Variants in SPOCK3 observed in about 807,000 individuals in gnomAD.
SPOCK3 encodes the protein SPARC (osteonectin), cwcv and kazal like domains proteoglycan 3, also known as testican-3.
Under a neutral mutation model 56.6 loss-of-function variants are expected in SPOCK3, and 30 were observed. The observed-to-expected ratio is 0.53, with a 90% CI of 0.40 to 0.72. SPOCK3 has a LOEUF of 0.72. Among genes scored for constraint, SPOCK3 ranks in the 30% least tolerant of loss-of-function variants. The pLI, the probability that SPOCK3 is intolerant of heterozygous loss-of-function variation, is 0.00. For synonymous variants in SPOCK3, 196 were observed against 183.3 expected, an observed-to-expected ratio of 1.07 and a Z score of -0.56; for missense variants, 527 against 530.0, an observed-to-expected ratio of 0.99 and a Z score of 0.06.
chr4:166,970,725 A>G (rs1274977775), intron 4 of SPOCK3, among the ~76,000 whole-genome samples: 1 of 125,844 alleles, frequency 7.9e-6, no homozygotes, highest in Non-Finnish European at 1.6e-5. Context: ...ACACCGTCAA[A>G]AAAGAAAAAG....
intron 8 of SPOCK3, 121 bp from the exon 9 acceptor site, chr4:166,742,180 A>G: frequency 1.5e-6 from 1 of 668,568 alleles, no homozygotes; most frequent in Non-Finnish European, 2.6e-6. Context: ...TTACATATTA[A>G]TTGGTTTACT....
chr4:167,091,629 C>A (rs1473016305), intron 2 of SPOCK3, among the ~76,000 whole-genome samples: 1 of 152,096 alleles, frequency 6.6e-6, no homozygotes, highest in Non-Finnish European at 1.5e-5. Flanking sequence ...TTTTACATGT[C>A]ATATGCAGTG....
chr4:166,789,479 A>G (rs896573117), intron 7 of SPOCK3, among the ~76,000 whole-genome samples: 55 of 152,018 alleles, frequency 3.6e-4, no homozygotes, highest in African/African-American at 1.2e-3. Context: ...ACACCCCAAC[A>G]TTTGCTCACT....
intron 3 of SPOCK3, among the ~76,000 whole-genome samples, chr4:167,000,690 C>A (rs767609484): frequency 5.3e-5 from 8 of 152,152 alleles, no homozygotes; most frequent in Non-Finnish European, 1.0e-4. Context: ...TGCACATATG[C>A]CTATGATCAG....
intron 2 of SPOCK3, among the ~76,000 whole-genome samples, chr4:167,146,699 A>C (rs1093054): frequency 1 from 152,084 of 152,198 alleles, 75,985 homozygotes; most frequent in Middle Eastern, 1. Flanking sequence ...AACAACCTGC[A>C]CCTGAATGAC....
intron 4 of SPOCK3, among the ~76,000 whole-genome samples, chr4:166,952,972 A>C (rs1264449259): frequency 6.6e-6 from 1 of 151,240 alleles, no homozygotes; most frequent in Non-Finnish European, 1.5e-5. Flanking sequence ...ACCTAAAACC[A>C]TAAAAACCCT....
At chr4:166,939,379 G>T (rs1318658238) in intron 4 of SPOCK3, among the ~76,000 whole-genome samples, 1 of 151,926 alleles carries the variant, frequency 6.6e-6, no homozygotes, top group Non-Finnish European at 1.5e-5. Flanking sequence ...GGATAAAAGA[G>T]TTCAGCATAA....
intron 2 of SPOCK3, among the ~76,000 whole-genome samples, chr4:167,120,073 G>A (rs999651957): frequency 6.6e-6 from 1 of 151,958 alleles, no homozygotes; most frequent in African/African-American, 2.4e-5. Context: ...CATAAACAAT[G>A]TACACATACA....
intron 2 of SPOCK3, among the ~76,000 whole-genome samples, chr4:167,087,318 T>A (rs764232698): frequency 6.6e-6 from 1 of 152,222 alleles, no homozygotes; most frequent in East Asian, 1.9e-4. Flanking sequence ...AGGCAGAGAA[T>A]CCTCAGTTTC....
rs948506235 is a variant in SPOCK3 at position 167,037,042 on chromosome 4, G to T, written c.235+25450C>A. 5.3e-5 allele frequency among the ~76,000 whole-genome samples: 8 copies of T among 152,080 alleles called. 1 individual carries two copies. The highest frequency in any genetic ancestry group is 1.9e-4 in the African/African-American group (8 of 41,418). ...TTGAAGATTTACACTTTTAAATTGT[G>T]CATTTTTTTACAAAAGAGATTGTAG... On this transcript the variant is annotated intron_variant, in intron 3 of 10. Coordinates refer to ENST00000357545, the MANE Select transcript of SPOCK3 (RefSeq NM_001040159.2).
intron 5 of SPOCK3, among the ~76,000 whole-genome samples, chr4:166,894,177 G>A (rs900200429): frequency 6.6e-6 from 1 of 152,042 alleles, no homozygotes; most frequent in Non-Finnish European, 1.5e-5. Flanking sequence ...CTTCATTGGA[G>A]GAGCATTTCC....
chr4:166,735,093 TA>T lies in SPOCK3; in HGVS notation c.1133-4del. 1 of 1,583,166 alleles carries T rather than the reference TA, an allele frequency of 6.3e-7. No homozygotes were observed. The highest frequency in any genetic ancestry group is 8.6e-7 in the Non-Finnish European group (1 of 1,161,700). Reference sequence around the variant, plus strand: ...TCCGGAGATCTCAAAATCTATAGCTTAAAACAAGTGAAAGTAAACATAACCT... The same window carrying T: ...TCCGGAGATCTCAAAATCTATAGCTTAAACAAGTGAAAGTAAACATAACCT... On this transcript the variant is annotated splice_region_variant and splice_polypyrimidine_tract_variant and intron_variant, in intron 10 of 10. Coordinates refer to ENST00000357545, the MANE Select transcript of SPOCK3 (RefSeq NM_001040159.2).
Position 166,734,952 on chromosome 4 carries a change from T to A in SPOCK3, c.1271A>T (p.Asp424Val). The change falls in exon 11 of 11, where the codon GAT becomes GTT. Residue 424 changes from aspartate to valine, a missense_variant. By Grantham distance (152) the Asp-to-Val change is radical. Coordinates refer to ENST00000357545, the MANE Select transcript of SPOCK3 (RefSeq NM_001040159.2). ...DDDEDEGDDD[D>V]GGDDHDVYI ...GTATACATCATGGTCATCACCACCA[T>A]CATCATCATCCCCTTCATCTTCATC... is the stretch of plus-strand genomic sequence containing the variant. 2 of 1,520,386 alleles carry A rather than the reference T, an allele frequency of 1.3e-6. No individual in the cohort carries two copies. 94.2% of individuals were successfully genotyped at this position (1,520,386 alleles called of 1,614,324 possible). A position where few individuals can be genotyped will look rare whatever the true frequency, so the allele number is the denominator to read the frequency against.
intron 2 of SPOCK3, among the ~76,000 whole-genome samples, chr4:167,104,186 C>G (rs1472184620): frequency 6.6e-6 from 1 of 152,112 alleles, no homozygotes; most frequent in Non-Finnish European, 1.5e-5. Context: ...CAACAAACGT[C>G]AACAGCCATC....
At chr4:166,968,060 A>G (rs752477845) in intron 4 of SPOCK3, among the ~76,000 whole-genome samples, 4 of 152,192 alleles carry the variant, frequency 2.6e-5, no homozygotes, top group Non-Finnish European at 5.9e-5. Context: ...TGAATTTGAG[A>G]AAGATGATTT....
intron 4 of SPOCK3, among the ~76,000 whole-genome samples, chr4:166,920,285 A>C (rs1310359851): frequency 1.3e-5 from 2 of 152,154 alleles, no homozygotes; most frequent in Non-Finnish European, 2.9e-5. Context: ...TAGAATCTTC[A>C]CCACCACCAA....
intron 2 of SPOCK3, among the ~76,000 whole-genome samples, chr4:167,086,630 C>T (rs941289955): frequency 4.6e-5 from 7 of 152,054 alleles, no homozygotes; most frequent in Non-Finnish European, 1.0e-4. Flanking sequence ...TTGCTACAAT[C>T]AACACTTTTA....
chr4:167,127,510 C>T (rs868623747), intron 2 of SPOCK3, among the ~76,000 whole-genome samples: 1 of 151,996 alleles, frequency 6.6e-6, no homozygotes, highest in African/African-American at 2.4e-5. Context: ...TCACTGCAAC[C>T]TCTGGTTCCC....
At chr4:167,174,940 TC>T (rs1220641804) in intron 2 of SPOCK3, among the ~76,000 whole-genome samples, 2 of 152,086 alleles carry the variant, frequency 1.3e-5, no homozygotes, top group Non-Finnish European at 2.9e-5. Flanking sequence ...GCCCCACTGA[TC>T]CAGGACAAAT....
Sources: gnomAD v4.1 joint callset for allele counts (sites outside exome capture counted in the v4.1 genomes callset) on GRCh38, gnomAD v4.1.1 for gene constraint, MANE v1.5 for transcripts, NCBI Gene and HGNC (gene_info 2026-07-23, HGNC 2026-07-21) for gene names.